PLXNA2: variants seen among roughly 807,000 people sequenced by gnomAD.
The protein encoded by PLXNA2 is plexin-A2.
A neutral mutation model predicts 193.5 loss-of-function variants in PLXNA2; 91 were observed. The observed-to-expected ratio is 0.47, with a 90% CI of 0.40 to 0.56. The LOEUF (loss-of-function observed/expected upper bound fraction) is 0.56, where lower values mean the gene tolerates loss of function less well. Ranked by LOEUF, PLXNA2 falls within the 20% of genes least tolerant of loss-of-function variation. PLXNA2 has a pLI of 0.00. For synonymous variants in PLXNA2, 997 were observed against 1,027.3 expected (o/e 0.97, Z 0.56); for missense variants, 1,995 against 2,503.2 (o/e 0.80, Z 4.33).
intron 3 of PLXNA2, among the ~76,000 whole-genome samples, chr1:208,174,433 G>T (rs1439566941): frequency 6.6e-6 from 1 of 151,994 alleles, no homozygotes; most frequent in East Asian, 1.9e-4. Flanking sequence ...GGAGGTAAGG[G>T]CTGTGGAGGG....
At chr1:208,220,386 A>T (rs1327614085) in intron 1 of PLXNA2, among the ~76,000 whole-genome samples, 1 of 152,172 alleles carries the variant, frequency 6.6e-6, no homozygotes, top group Non-Finnish European at 1.5e-5. Flanking sequence ...CCAACCTCTT[A>T]GCATGGTTGC....
At chr1:208,134,680 A>C (rs978229704) in intron 4 of PLXNA2, among the ~76,000 whole-genome samples, 3 of 152,198 alleles carry the variant, frequency 2.0e-5, no homozygotes, top group African/African-American at 7.2e-5. Context: ...CCCAGGCAGA[A>C]GGGAGGTCTC....
intron 4 of PLXNA2, among the ~76,000 whole-genome samples, chr1:208,105,809 T>C (rs915832371): frequency 6.6e-6 from 1 of 152,168 alleles, no homozygotes; most frequent in African/African-American, 2.4e-5. Context: ...AGCCTCCTTT[T>C]CTTGGGTTTC....
At chr1:208,196,434 CAG>C (rs1291010064) in intron 3 of PLXNA2, among the ~76,000 whole-genome samples, 3 of 152,214 alleles carry the variant, frequency 2.0e-5, no homozygotes, top group Non-Finnish European at 4.4e-5. Flanking sequence ...TGCACTTACA[CAG>C]AGTGGGTAAA....
At chr1:208,165,253 C>T (rs77318315) in intron 3 of PLXNA2, among the ~76,000 whole-genome samples, 2,106 of 152,254 alleles carry the variant, frequency 0.014, 69 homozygotes, top group East Asian at 0.12. Context: ...TGTTCTCTTA[C>T]CCAGGAAAAG....
intron 4 of PLXNA2, among the ~76,000 whole-genome samples, chr1:208,116,582 T>C (rs146866626): frequency 1.3e-5 from 2 of 152,288 alleles, no homozygotes. Flanking sequence ...GCAGAGGCTT[T>C]TGGTGTCACG....
At chr1:208,184,751 A>T (rs1238311860) in intron 3 of PLXNA2, among the ~76,000 whole-genome samples, 1 of 150,028 alleles carries the variant, frequency 6.7e-6, no homozygotes, top group Non-Finnish European at 1.5e-5. Context: ...CAAAGAGTAC[A>T]CACACACACA....
At chr1:208,153,272 G>A (rs756622010) in intron 3 of PLXNA2, among the ~76,000 whole-genome samples, 5 of 152,132 alleles carry the variant, frequency 3.3e-5, no homozygotes, top group African/African-American at 1.2e-4. Context: ...TGGGGTAGGC[G>A]CTACTATTAT....
chr1:208,051,176 T>C (rs1229630621), intron 16 of PLXNA2, 74 bp from the exon 17 acceptor site: 4 of 1,593,528 alleles, frequency 2.5e-6, no homozygotes, highest in Non-Finnish European at 2.6e-6. Flanking sequence ...ACCTTAGGGA[T>C]CCCTCTCATG....
At chr1:208,097,212 A>G (rs192927035) in intron 6 of PLXNA2, among the ~76,000 whole-genome samples, 1 of 152,352 alleles carries the variant, frequency 6.6e-6, no homozygotes, top group East Asian at 1.9e-4. Flanking sequence ...ATGAAAATTA[A>G]TTGCAAGGCA....
chr1:208,203,967 A>G (rs1670636718), intron 3 of PLXNA2, among the ~76,000 whole-genome samples: 1 of 152,184 alleles, frequency 6.6e-6, no homozygotes, highest in Non-Finnish European at 1.5e-5. Context: ...CAAGAAGCTC[A>G]CAGTTTTCCT....
rs530130443 is a variant in PLXNA2 at position 208,118,709 on chromosome 1, G to A, written c.1507-15462C>T. ...GAGCTTCTGGGGGTCACAGAGAGGG[G>A]AACCTGGGGGAGATAGAAGAGAGAC... On this transcript the variant is annotated intron_variant, in intron 4 of 31. Coordinates refer to ENST00000367033, the MANE Select transcript of PLXNA2 (RefSeq NM_025179.4). 2.7e-3 allele frequency among the ~76,000 whole-genome samples: 414 copies of A among 151,996 alleles called. 4 individuals are homozygous for A. Among genetic ancestry groups the A allele is most frequent in the African/African-American group, 9.3e-3 (384 of 41,462 alleles).
chr1:208,106,544 G>T (rs780447994), intron 4 of PLXNA2, among the ~76,000 whole-genome samples: 3 of 152,212 alleles, frequency 2.0e-5, no homozygotes, highest in Non-Finnish European at 4.4e-5. Context: ...CTAGCTTCAT[G>T]CGGCTATTGA....
intron 12 of PLXNA2, among the ~76,000 whole-genome samples, chr1:208,061,198 T>G (rs1665607746): frequency 6.6e-6 from 1 of 152,286 alleles, no homozygotes; most frequent in South Asian, 2.1e-4. Context: ...TTCAGCTTTC[T>G]TAGTTGTGAA....
intron 12 of PLXNA2, among the ~76,000 whole-genome samples, chr1:208,074,391 G>A: frequency 6.6e-6 from 1 of 152,172 alleles, no homozygotes; most frequent in Non-Finnish European, 1.5e-5. Context: ...AGCTGGAAAT[G>A]GGAGCAGCTC....
chr1:208,050,354 A>G (rs898650086), intron 17 of PLXNA2, among the ~76,000 whole-genome samples: 1 of 152,222 alleles, frequency 6.6e-6, no homozygotes, highest in Non-Finnish European at 1.5e-5. Context: ...TCCTCTCCAG[A>G]CATGTCTGAA....
At chr1:208,132,613 T>G (rs1371859379) in intron 4 of PLXNA2, among the ~76,000 whole-genome samples, 1 of 152,200 alleles carries the variant, frequency 6.6e-6, no homozygotes, top group Admixed American at 6.5e-5. Flanking sequence ...TAGTTAGATT[T>G]CAACACAGCT....
chr1:208,077,320 C>G (rs1331321397), intron 12 of PLXNA2, among the ~76,000 whole-genome samples: 1 of 152,166 alleles, frequency 6.6e-6, no homozygotes, highest in Non-Finnish European at 1.5e-5. Context: ...ATAATTACCT[C>G]GGGGGGTTAA....
rs79883052 is a variant in PLXNA2, at chr1:208,097,780, G to A, written c.1732-897C>T. Among the ~76,000 whole-genome samples the A allele has an allele frequency of 8.0e-3, 1,217 of 152,116 alleles. 20 individuals are homozygous for A. Among genetic ancestry groups the A allele is most frequent in the Admixed American group, 0.03 (461 of 15,278 alleles). On this transcript the variant is annotated intron_variant, in intron 6 of 31. Transcript: ENST00000367033. The stretch of plus-strand genomic sequence containing the variant: ...AAGGCGACTGGTTTCCTCTGCCCAT[G>A]AGGTGTGCCCATAGGGTTCATGGTG...
Sources: allele counts gnomAD v4.1 joint callset (sites outside exome capture counted in the v4.1 genomes callset), GRCh38; gene constraint gnomAD v4.1.1; transcripts MANE v1.5; gene names NCBI Gene and HGNC (gene_info 2026-07-23, HGNC 2026-07-21).